Variants in GPLD1 observed in about 807,000 individuals in gnomAD.
The protein encoded by GPLD1 is phosphatidylinositol-glycan-specific phospholipase D.
GPLD1 carries 84 observed loss-of-function variants against 112.6 expected under a neutral mutation model. The observed-to-expected ratio is 0.75, with a 90% CI of 0.63 to 0.89. The LOEUF is 0.89. GPLD1 is among the 40% of genes least tolerant of loss of function. GPLD1 has a pLI of 0.00. For missense variants in GPLD1, 1,044 were observed against 1,051.5 expected, an observed-to-expected ratio of 0.99 and a Z score of 0.10; for synonymous variants, 386 against 403.8, an observed-to-expected ratio of 0.96 and a Z score of 0.53.
chr6:24,447,596 G>A (rs371668169), intron 17 of GPLD1, among the ~76,000 whole-genome samples: 34 of 152,038 alleles, frequency 2.2e-4, no homozygotes, highest in South Asian at 6.2e-4. Flanking sequence ...AGATGCCTCC[G>A]GTGCAAAGCC....
At chr6:24,456,681 A>C (rs375757701) in intron 12 of GPLD1, 44 bp from the exon 13 acceptor site, 2 of 1,381,878 alleles carry the variant, frequency 1.4e-6, no homozygotes, top group African/African-American at 2.9e-5. Flanking sequence ...CACGTAGCAT[A>C]ATCAACAAAG....
At chr6:24,493,565 A>C (rs574331733), upstream of GPLD1, among the ~76,000 whole-genome samples, 1 of 152,304 alleles carries the variant, frequency 6.6e-6, no homozygotes, top group South Asian at 2.1e-4. Context: ...CAGGAGATGT[A>C]AACACGCCAG....
At chr6:24,452,713 T>C (rs970289435) in intron 14 of GPLD1, among the ~76,000 whole-genome samples, 5 of 151,030 alleles carry the variant, frequency 3.3e-5, no homozygotes, top group African/African-American at 9.8e-5. Context: ...AAGGCAGAGG[T>C]TGCAGTGAGC....
At chr6:24,491,373 T>A (rs1764554967), upstream of GPLD1, among the ~76,000 whole-genome samples, 1 of 152,050 alleles carries the variant, frequency 6.6e-6, no homozygotes, top group African/African-American at 2.4e-5. Flanking sequence ...TAACCATATA[T>A]AATACAACAA....
At chr6:24,476,333 A>G in intron 3 of GPLD1, 55 bp from the exon 4 acceptor site, 1 of 885,778 alleles carries the variant, frequency 1.1e-6, no homozygotes, top group Admixed American at 2.0e-5. Flanking sequence ...GAGAGTCTCA[A>G]TCAAATCTTC....
intron 7 of GPLD1, among the ~76,000 whole-genome samples, chr6:24,467,698 A>G (rs936902676): frequency 6.6e-6 from 1 of 152,196 alleles, no homozygotes; most frequent in Admixed American, 6.5e-5. Context: ...TATTATAAAA[A>G]TGTCTCCTCA....
At position 24,444,809 on chromosome 6, in the gene GPLD1, G is replaced by A. The variant is rs56721161; in HGVS notation, c.2020+737C>T. Among the ~76,000 whole-genome samples, 37 of 152,082 alleles carry A rather than the reference G, an allele frequency of 2.4e-4. No homozygotes were observed. In the East Asian group the frequency reaches 3.3e-3, roughly 14 times the overall value. On this transcript the variant is annotated intron_variant, in intron 20 of 24. Coordinates refer to ENST00000230036, the MANE Select transcript of GPLD1 (RefSeq NM_001503.4). The stretch of plus-strand genomic sequence containing the variant: ...GGCTGCCATAAGCCATAATCACACC[G>A]CTGCACTCCAGCCTGGGCGACACAG...
rs201973866 is a variant in GPLD1 at position 24,445,782 on chromosome 6, C to A, written c.1870G>T (p.Val624Leu). 1 of 1,613,840 alleles carries A rather than the reference C, an allele frequency of 6.2e-7. No homozygotes were observed. The highest frequency in any genetic ancestry group is 8.5e-7 in the Non-Finnish European group (1 of 1,179,940). Reference sequence around the variant, plus strand: ...CCGTTTGGTGGGAAGTAGCCATACACCCTCCCAAGGCTCTTTTTCTCATCT... The same window carrying A: ...CCGTTTGGTGGGAAGTAGCCATACAACCTCCCAAGGCTCTTTTTCTCATCT... ...IRDEKKSLGRVYGYFPPNGQS... is the reference protein window; with the variant it reads ...IRDEKKSLGRLYGYFPPNGQS... The change falls in exon 19 of 25, where the codon GTG (valine) becomes TTG (leucine). Residue 624 changes from valine to leucine, a missense_variant. By Grantham distance (32) the Val-to-Leu change is conservative. Transcript: ENST00000230036.
At chr6:24,486,575 G>A (rs1764383175) in intron 1 of GPLD1, among the ~76,000 whole-genome samples, 1 of 152,172 alleles carries the variant, frequency 6.6e-6, no homozygotes, top group Admixed American at 6.5e-5. Flanking sequence ...CAAGAACTTT[G>A]GGAGGCCGAG....
chr6:24,460,154 TC>T (rs1945389005), intron 12 of GPLD1, 124 bp downstream of exon 12: 2 of 1,129,564 alleles, frequency 1.8e-6, no homozygotes, highest in Non-Finnish European at 2.6e-6. Context: ...CAACTCAGCC[TC>T]CCAGCCACCA....
intron 3 of GPLD1, among the ~76,000 whole-genome samples, chr6:24,478,528 T>C (rs1764097111): frequency 6.6e-6 from 1 of 152,146 alleles, no homozygotes; most frequent in Non-Finnish European, 1.5e-5. Flanking sequence ...CCACTCCCCA[T>C]CCTTCTCTAC....
chr6:24,443,114 A>G (rs1376905656), intron 20 of GPLD1, among the ~76,000 whole-genome samples: 2 of 152,246 alleles, frequency 1.3e-5, no homozygotes, highest in African/African-American at 2.4e-5. Flanking sequence ...CCGTCATCAC[A>G]GCAATTACTA....
chr6:24,458,978 G>C (rs1763349967), intron 12 of GPLD1, among the ~76,000 whole-genome samples: 1 of 152,228 alleles, frequency 6.6e-6, no homozygotes, highest in African/African-American at 2.4e-5. Context: ...TCACAAAGTT[G>C]TCTAAACCCT....
chr6:24,447,702 T>A (rs1762955818), intron 17 of GPLD1, among the ~76,000 whole-genome samples, 175 bp downstream of exon 17: 2 of 152,170 alleles, frequency 1.3e-5, no homozygotes. Flanking sequence ...CCTTTTGTAT[T>A]TTCAGTGAAT....
chr6:24,456,658 T>C (rs754711954), intron 12 of GPLD1, 21 bp from the exon 13 acceptor site: 3 of 1,560,902 alleles, frequency 1.9e-6, no homozygotes, highest in African/African-American at 1.4e-5. Flanking sequence ...AGAATCATTA[T>C]AGACAGTAAA....
chr6:24,445,958 C>T, intron 18 of GPLD1, 127 bp from the exon 19 acceptor site: 3 of 670,388 alleles, frequency 4.5e-6, no homozygotes, highest in Non-Finnish European at 7.9e-6. Context: ...GTCTCTGCGA[C>T]CCCAGGCCTG....
Position 24,433,211 on chromosome 6 carries a change from G to A in GPLD1, c.2412C>T (p.Leu804=). 3 of 1,613,146 alleles carry A rather than the reference G, an allele frequency of 1.9e-6. No individual in the cohort carries two copies. Among genetic ancestry groups the A allele is most frequent in the Non-Finnish European group, 2.5e-6 (3 of 1,179,094 alleles). ...CCTTTGCCTTGGACCTCACGGTGAT[G>A]AGGGAGCTCCCAAACCTTGAGCTGG... ...PEASSRFGSS[L]ITVRSKAKNQ... Residue 804 remains leucine (L), a synonymous_variant, in exon 24 of 25, where the codon CTC becomes CTT. Transcript: ENST00000230036.
At chr6:24,476,335 C>T in intron 3 of GPLD1, 57 bp from the exon 4 acceptor site, 1 of 856,706 alleles carries the variant, frequency 1.2e-6, no homozygotes, top group Non-Finnish European at 1.9e-6. Context: ...GAGTCTCAAT[C>T]AAATCTTCCA....
chr6:24,487,068 C>A (rs752653455), intron 1 of GPLD1, among the ~76,000 whole-genome samples: 2 of 152,108 alleles, frequency 1.3e-5, no homozygotes, highest in Admixed American at 6.6e-5. Context: ...AAAGGTGATA[C>A]CTTATTTCTG....
Sources: gnomAD v4.1 joint callset for allele counts (sites outside exome capture counted in the v4.1 genomes callset) on GRCh38, gnomAD v4.1.1 for gene constraint, MANE v1.5 for transcripts, NCBI Gene and HGNC (gene_info 2026-07-23, HGNC 2026-07-21) for gene names.